The following LRBA variants were observed in gnomAD, a reference collection of about 807,000 sequenced individuals.
LRBA encodes lipopolysaccharide-responsive and beige-like anchor protein.
Under a neutral mutation model 330.0 loss-of-function variants are expected in LRBA, and 176 were observed. That is an observed-to-expected ratio of 0.53 (90% CI 0.47 to 0.60). LRBA has a LOEUF of 0.60. LRBA is among the 20% of genes least tolerant of loss of function. The pLI, the probability that LRBA is intolerant of heterozygous loss-of-function variation, is 0.00. For synonymous variants in LRBA, 1,230 were observed against 1,193.0 expected, an observed-to-expected ratio of 1.03 and a Z score of -0.64; for missense variants, 3,259 against 3,444.8, an observed-to-expected ratio of 0.95 and a Z score of 1.35.
At chr4:150,703,905 C>T (rs1785358040) in intron 36 of LRBA, among the ~76,000 whole-genome samples, 1 of 151,754 alleles carries the variant, frequency 6.6e-6, no homozygotes. Flanking sequence ...GAACATTTCA[C>T]CTAATATCCC....
At chr4:150,977,088 C>T (rs1002177740) in intron 2 of LRBA, among the ~76,000 whole-genome samples, 1 of 152,174 alleles carries the variant, frequency 6.6e-6, no homozygotes, top group Admixed American at 6.5e-5. Context: ...GCTCTGAGTC[C>T]ACTGGCTCTG....
At chr4:150,780,863 G>A (rs1047546173) in intron 34 of LRBA, among the ~76,000 whole-genome samples, 1 of 151,588 alleles carries the variant, frequency 6.6e-6, no homozygotes, top group African/African-American at 2.4e-5. Flanking sequence ...TACATTTATC[G>A]TGCATTTTAT....
chr4:150,983,818 C>A (rs1433956000), intron 2 of LRBA, among the ~76,000 whole-genome samples: 1 of 151,796 alleles, frequency 6.6e-6, no homozygotes, highest in Admixed American at 6.6e-5. Context: ...GAATTAGAGA[C>A]CAGTTACCAT....
chr4:150,686,521 TTA>T (rs906821200), intron 36 of LRBA, among the ~76,000 whole-genome samples: 24 of 152,200 alleles, frequency 1.6e-4, no homozygotes, highest in African/African-American at 5.8e-4. Context: ...ATGTCATTTT[TTA>T]TATATTCATT....
intron 42 of LRBA, among the ~76,000 whole-genome samples, chr4:150,485,667 C>T (rs1757792755): frequency 6.6e-6 from 1 of 151,820 alleles, no homozygotes; most frequent in East Asian, 1.9e-4. Context: ...TCCCTCATAG[C>T]CCTCAGAAGG....
chr4:150,984,941 C>CT (rs1264305492), intron 2 of LRBA, among the ~76,000 whole-genome samples: 1 of 152,160 alleles, frequency 6.6e-6, no homozygotes, highest in Non-Finnish European at 1.5e-5. Context: ...CTATCTAACT[C>CT]TTAAGAAAGT....
rs934035404 is a variant in LRBA at position 150,549,207 on chromosome 4, C to T, written c.6330+38841G>A. ...TAGCTCTGTCCTATTACCAATATAA[C>T]TAAAATTTTAATGTTTCATATGACA... On this transcript the variant is annotated intron_variant, in intron 40 of 56. Transcript: ENST00000651943. Among the ~76,000 whole-genome samples the T allele has an allele frequency of 7.2e-5, 11 of 151,980 alleles. 1 individual carries two copies. The highest frequency in any genetic ancestry group is 1.6e-4 in the Non-Finnish European group (11 of 67,986).
At chr4:150,893,220 G>T in intron 16 of LRBA, 71 bp from the exon 17 acceptor site, 1 of 750,016 alleles carries the variant, frequency 1.3e-6, no homozygotes, top group Non-Finnish European at 2.3e-6. Flanking sequence ...GAATACTTCT[G>T]AAATAGAAAT....
intron 2 of LRBA, among the ~76,000 whole-genome samples, chr4:150,949,214 GGTTA>G (rs1736554479): frequency 6.6e-6 from 1 of 152,022 alleles, no homozygotes; most frequent in African/African-American, 2.4e-5. Flanking sequence ...ACAGCTAAAT[GGTTA>G]AACAAACTGT....
At chr4:150,944,474 A>G (rs1384127539) in intron 2 of LRBA, among the ~76,000 whole-genome samples, 2 of 152,292 alleles carry the variant, frequency 1.3e-5, no homozygotes, top group East Asian at 3.9e-4. Context: ...ACTACATAAT[A>G]CTTGTATTTA....
At chr4:150,335,541 T>C (rs1045215489) in intron 48 of LRBA, among the ~76,000 whole-genome samples, 2 of 149,568 alleles carry the variant, frequency 1.3e-5, no homozygotes, top group African/African-American at 2.5e-5. Flanking sequence ...TGTATATATA[T>C]ATATACACAC....
intron 47 of LRBA, among the ~76,000 whole-genome samples, chr4:150,354,240 T>A (rs1472841): frequency 0.25 from 37,988 of 151,920 alleles, 4,857 homozygotes; most frequent in East Asian, 0.35. Context: ...TAAGATTTTT[T>A]AAAAAAATTC....
chr4:150,828,633 C>T lies in LRBA; in HGVS notation c.4730-12G>A. The T allele has an allele frequency of 6.3e-7, 1 of 1,592,514 alleles. No individual in the cohort carries two copies. The highest frequency in any genetic ancestry group is 8.6e-7 in the Non-Finnish European group (1 of 1,169,468). On this transcript the variant is annotated splice_polypyrimidine_tract_variant and intron_variant, in intron 29 of 56. Transcript: ENST00000651943. ...TGCTGGTGTGATTTCTATATCATACCCAGAAACACAAGAAATAAACAAACA... is the reference window on the plus strand; with the variant it reads ...TGCTGGTGTGATTTCTATATCATACTCAGAAACACAAGAAATAAACAAACA...
intron 48 of LRBA, among the ~76,000 whole-genome samples, chr4:150,349,651 T>G (rs986113196): frequency 4.6e-5 from 7 of 152,144 alleles, no homozygotes; most frequent in Non-Finnish European, 1.0e-4. Flanking sequence ...TTCAATAAAT[T>G]TATGCTCATA....
chr4:150,560,247 G>A (rs947455304), intron 40 of LRBA, among the ~76,000 whole-genome samples: 1 of 151,678 alleles, frequency 6.6e-6, no homozygotes, highest in Non-Finnish European at 1.5e-5. Context: ...TGTATGTATA[G>A]AGAGAGACAA....
intron 42 of LRBA, 95 bp from the exon 43 acceptor site, chr4:150,471,834 C>G: frequency 1.4e-6 from 1 of 691,650 alleles, no homozygotes; most frequent in Non-Finnish European, 2.5e-6. Flanking sequence ...ATCTATAATT[C>G]TGAAAAGTTC....
intron 40 of LRBA, among the ~76,000 whole-genome samples, chr4:150,504,301 A>G (rs952684186): frequency 2.0e-5 from 3 of 152,202 alleles, no homozygotes; most frequent in Non-Finnish European, 2.9e-5. Flanking sequence ...CAGATTCACC[A>G]AAGTTGAAAT....
chr4:150,462,659 G>GA (rs1391994068), intron 44 of LRBA, among the ~76,000 whole-genome samples: 1 of 151,626 alleles, frequency 6.6e-6, no homozygotes, highest in Non-Finnish European at 1.5e-5. Context: ...AAAGTCCTCT[G>GA]AAAAACAGCT....
Position 150,808,328 on chromosome 4 carries a change from T to C in LRBA, c.5376A>G (p.Ser1792=). Residue 1792 remains serine, a synonymous_variant, in exon 32 of 57, where the codon TCA becomes TCG. Coordinates refer to ENST00000651943, the MANE Select transcript of LRBA (RefSeq NM_001364905.1). ...GTTAGTAGCTTAAATACCTCATATT[T>C]GAAACCGGATCTTGTGAAACTGAAT... ...TVDSVSQDPV[S]NMSITERLEH... 1.2e-6 allele frequency: 2 copies of C among 1,610,974 alleles called. No individual in the cohort carries two copies. The highest frequency in any genetic ancestry group is 1.7e-6 in the Non-Finnish European group (2 of 1,177,806).
Sources: allele counts gnomAD v4.1 joint callset (sites outside exome capture counted in the v4.1 genomes callset), GRCh38; gene constraint gnomAD v4.1.1; transcripts MANE v1.5; gene names NCBI Gene and HGNC (gene_info 2026-07-23, HGNC 2026-07-21).